DOCK1: variants seen among roughly 807,000 people sequenced by gnomAD.
DOCK1 encodes the protein dedicator of cytokinesis 1.
In DOCK1, 138 loss-of-function variants were observed where a neutral mutation model predicts 262.7. The observed-to-expected ratio is 0.53, with a 90% CI of 0.46 to 0.61. The LOEUF (loss-of-function observed/expected upper bound fraction) is 0.61. Ranked by LOEUF, DOCK1 falls within the 20% of genes least tolerant of loss-of-function variation. DOCK1 has a pLI of 0.00. For synonymous variants in DOCK1, 866 were observed against 867.4 expected (o/e 1.00, Z 0.03); for missense variants, 1,908 against 2,370.7 (o/e 0.80, Z 4.05).
At chr10:127,192,902 T>C (rs560828020) in intron 27 of DOCK1, among the ~76,000 whole-genome samples, 1 of 152,346 alleles carries the variant, frequency 6.6e-6, no homozygotes, top group Non-Finnish European at 1.5e-5. Flanking sequence ...AAGAACAATG[T>C]ACATTTTAAA....
In DOCK1 at chr10:127,111,058, A is replaced by G. The variant is rs370149814; in HGVS notation, c.2623+704A>G. On this transcript the variant is annotated intron_variant, in intron 25 of 51. Coordinates refer to ENST00000623213, the MANE Select transcript of DOCK1 (RefSeq NM_001290223.2). ...TATTCGATTCCATTTGTGCCTGGAC[A>G]TTTGGCTGCTCCATTCATTTTCTGT... is the stretch of plus-strand genomic sequence containing the variant. 1.6e-4 allele frequency among the ~76,000 whole-genome samples: 25 copies of G among 152,278 alleles called. No homozygotes were observed. The South Asian group carries it at 3.7e-3, about 23-fold the overall frequency.
chr10:127,399,552 G>A (rs1435757982), intron 38 of DOCK1, among the ~76,000 whole-genome samples: 2 of 125,690 alleles, frequency 1.6e-5, no homozygotes, highest in African/African-American at 6.4e-5. Flanking sequence ...TGCAACCTGA[G>A]GGTGAGTCTG....
At chr10:127,072,376 C>T (rs1056131075) in intron 23 of DOCK1, among the ~76,000 whole-genome samples, 4 of 152,130 alleles carry the variant, frequency 2.6e-5, no homozygotes, top group African/African-American at 4.8e-5. Context: ...GCAAGGCAGG[C>T]GTGAACTCAG....
intron 23 of DOCK1, among the ~76,000 whole-genome samples, chr10:127,093,231 C>CTTTCTTTTCTTTCTTTG (rs2047669511): frequency 1.7e-5 from 2 of 120,140 alleles, no homozygotes; most frequent in Admixed American, 8.7e-5. Flanking sequence ...TTCTTTCTTT[C>CTTTCTTTTCTTTCTTTG]TTTCTTTCTT....
intron 1 of DOCK1, among the ~76,000 whole-genome samples, chr10:126,925,451 T>C (rs1053000367): frequency 6.6e-6 from 1 of 152,212 alleles, no homozygotes; most frequent in Non-Finnish European, 1.5e-5. Flanking sequence ...TGGCACGATC[T>C]CAGCTCACTG....
chr10:127,000,604 G>C (rs1340558832), intron 10 of DOCK1: 1 of 314,738 alleles, frequency 3.2e-6, no homozygotes, highest in Non-Finnish European at 5.9e-6. Context: ...AAGCCAGTCA[G>C]TGGAGGTTTT....
intron 27 of DOCK1, among the ~76,000 whole-genome samples, chr10:127,144,753 T>C (rs1770390): frequency 0.82 from 124,060 of 152,160 alleles, 51,514 homozygotes; most frequent in South Asian, 0.92. Context: ...ACACTTTAAA[T>C]ATAGAAATGA....
At chr10:126,942,003 G>A (rs1448075697) in intron 1 of DOCK1, among the ~76,000 whole-genome samples, 1 of 152,038 alleles carries the variant, frequency 6.6e-6, no homozygotes, top group Non-Finnish European at 1.5e-5. Context: ...TGTCGGATGT[G>A]TGTTGTCACT....
At chr10:127,234,102 A>G (rs2058955967) in intron 27 of DOCK1, among the ~76,000 whole-genome samples, 1 of 152,200 alleles carries the variant, frequency 6.6e-6, no homozygotes, top group East Asian at 1.9e-4. Context: ...TTAGACACTA[A>G]AAGCGTGCCC....
intron 1 of DOCK1, among the ~76,000 whole-genome samples, chr10:126,944,028 A>G (rs1025860248): frequency 1.0e-4 from 15 of 146,444 alleles, no homozygotes; most frequent in Non-Finnish European, 2.3e-4. Context: ...GGAAGAGTTC[A>G]TGGGCAGTGG....
At position 127,100,593 on chromosome 10, in the gene DOCK1, G is replaced by A. The variant is rs1469057246; in HGVS notation, c.2446-5638G>A. Among the ~76,000 whole-genome samples the A allele has an allele frequency of 1.3e-5, 2 of 152,112 alleles. No individual in the cohort carries two copies. The highest frequency in any genetic ancestry group is 4.8e-5 in the African/African-American group (2 of 41,420). On this transcript the variant is annotated intron_variant, in intron 23 of 51. Coordinates refer to ENST00000623213, the MANE Select transcript of DOCK1 (RefSeq NM_001290223.2). The surrounding 1 kb of genome is among the most constrained non-coding windows in gnomAD (Gnocchi z 5.5). ...ATTGGGAGTCATTGGCATGGCAGGAGGTGAGGTCCCTTGTGGGATATGTGG... is the reference window on the plus strand; with the variant it reads ...ATTGGGAGTCATTGGCATGGCAGGAAGTGAGGTCCCTTGTGGGATATGTGG...
At chr10:126,967,569 C>T (rs1042109844) in intron 1 of DOCK1, among the ~76,000 whole-genome samples, 3 of 152,184 alleles carry the variant, frequency 2.0e-5, no homozygotes, top group South Asian at 2.1e-4. Flanking sequence ...CGAGATTCAG[C>T]GTCCTAAAGT....
At chr10:127,259,729 C>T (rs766011559) in intron 29 of DOCK1, among the ~76,000 whole-genome samples, 16 of 151,724 alleles carry the variant, frequency 1.1e-4, no homozygotes, top group South Asian at 2.1e-4. Context: ...GCATTCATGT[C>T]GCTCCTACTC....
intron 27 of DOCK1, among the ~76,000 whole-genome samples, chr10:127,202,199 T>G (rs1384055352): frequency 6.6e-6 from 1 of 152,090 alleles, no homozygotes; most frequent in Non-Finnish European, 1.5e-5. Context: ...GGCTCATGAC[T>G]GTAATCCCAG....
intron 27 of DOCK1, among the ~76,000 whole-genome samples, chr10:127,135,010 A>C (rs1399186079): frequency 6.6e-6 from 1 of 152,142 alleles, no homozygotes; most frequent in African/African-American, 2.4e-5. Context: ...GAGGCTGGGG[A>C]TGTGCTCAAT....
In DOCK1 at chr10:127,310,251, C is replaced by T. The variant is rs193128557; in HGVS notation, c.3045-28755C>T. On this transcript the variant is annotated intron_variant, in intron 29 of 51. Coordinates refer to ENST00000623213, the MANE Select transcript of DOCK1 (RefSeq NM_001290223.2). The stretch of plus-strand genomic sequence containing the variant: ...CTATGAATGAGAGCCTGTTGTATGC[C>T]ATACCCCCACCCCACCCCCTTACCC... Among the ~76,000 whole-genome samples the T allele has an allele frequency of 4.1e-3, 625 of 151,898 alleles. 12 individuals carry two copies. Among genetic ancestry groups the T allele is most frequent in the Admixed American group, 0.029 (438 of 15,158 alleles).
At chr10:127,079,185 G>A (rs2046751418) in intron 23 of DOCK1, among the ~76,000 whole-genome samples, 1 of 152,134 alleles carries the variant, frequency 6.6e-6, no homozygotes, top group Admixed American at 6.5e-5. Context: ...CTGAACATTG[G>A]ATGCATTTAC....
At position 127,407,947 on chromosome 10, in the gene DOCK1, G is replaced by A. The variant is rs146804623; in HGVS notation, c.4123-1090G>A. Among the ~76,000 whole-genome samples the A allele has an allele frequency of 3.3e-3, 503 of 152,206 alleles. 1 individual carries two copies. The highest frequency in any genetic ancestry group is 6.0e-3 in the Non-Finnish European group (408 of 68,026). ...AGCCCCAGATGGGACAGGATGGGTG[G>A]GGGGAGGCAGAAGGCTTCCAAAACC... On this transcript the variant is annotated intron_variant, in intron 40 of 51. Transcript: ENST00000623213.
chr10:127,369,719 G>A (rs1436868006), intron 33 of DOCK1, among the ~76,000 whole-genome samples: 2 of 152,240 alleles, frequency 1.3e-5, no homozygotes, highest in African/African-American at 2.4e-5. Flanking sequence ...TGTTTCACAG[G>A]AGCTCCAAGG....
Sources: gnomAD v4.1 joint callset for allele counts (sites outside exome capture counted in the v4.1 genomes callset) on GRCh38, gnomAD v4.1.1 for gene constraint, Gnocchi (gnomAD v3.1) non-coding constraint, MANE v1.5 for transcripts, NCBI Gene and HGNC (gene_info 2026-07-23, HGNC 2026-07-21) for gene names.